The following CSMD2 variants were observed in gnomAD, a reference collection of about 807,000 sequenced individuals.
CSMD2 encodes the protein CUB and sushi domain-containing protein 2.
A neutral mutation model predicts 398.5 loss-of-function variants in CSMD2; 130 were observed. The ratio of observed to expected loss-of-function variants is 0.33; its 90% CI spans 0.28 to 0.38. The LOEUF (loss-of-function observed/expected upper bound fraction) is 0.38. CSMD2 is among the 10% of genes least tolerant of loss of function. The pLI is 1.00. For missense variants in CSMD2, 3,829 were observed against 4,764.9 expected (o/e 0.80, Z 5.78); for synonymous variants, 1,828 against 1,908.5 (o/e 0.96, Z 1.10).
At chr1:34,101,638 C>A (rs1659953466) in intron 1 of CSMD2, among the ~76,000 whole-genome samples, 1 of 152,258 alleles carries the variant, frequency 6.6e-6, no homozygotes, top group Non-Finnish European at 1.5e-5. Flanking sequence ...GATTCAACAT[C>A]TTTTTCACTT....
intron 22 of CSMD2, among the ~76,000 whole-genome samples, chr1:33,703,456 C>G (rs1645676281): frequency 6.6e-6 from 1 of 152,114 alleles, no homozygotes; most frequent in Admixed American, 6.6e-5. Context: ...TATTTCCTAA[C>G]AGAATATTGC....
At chr1:33,660,224 C>T (rs1427129182) in intron 26 of CSMD2, among the ~76,000 whole-genome samples, 2 of 152,090 alleles carry the variant, frequency 1.3e-5, no homozygotes, top group Non-Finnish European at 2.9e-5. Flanking sequence ...ATAATGGTGC[C>T]CATACTGTAA....
At chr1:33,574,165 AC>A in intron 49 of CSMD2, among the ~76,000 whole-genome samples, 1 of 152,316 alleles carries the variant, frequency 6.6e-6, no homozygotes, top group East Asian at 1.9e-4. Flanking sequence ...TTAAGGATAT[AC>A]CCCATGAAAA....
At chr1:33,751,683 G>A (rs1443135633) in intron 13 of CSMD2, among the ~76,000 whole-genome samples, 6 of 152,244 alleles carry the variant, frequency 3.9e-5, no homozygotes, top group East Asian at 1.9e-4. Context: ...GTGCAGTGGC[G>A]CAATCTTGGC....
At chr1:33,945,556 G>A (rs933229004) in intron 3 of CSMD2, among the ~76,000 whole-genome samples, 1 of 152,086 alleles carries the variant, frequency 6.6e-6, no homozygotes, top group Non-Finnish European at 1.5e-5. Flanking sequence ...GGCCTCCTAG[G>A]GTAGGACCTG....
intron 22 of CSMD2, among the ~76,000 whole-genome samples, chr1:33,704,216 T>C (rs1645701527): frequency 1.3e-5 from 2 of 152,160 alleles, no homozygotes; most frequent in Non-Finnish European, 2.9e-5. Flanking sequence ...ATTTTCTTAT[T>C]GATTTTGAGT....
intron 10 of CSMD2, among the ~76,000 whole-genome samples, chr1:33,796,498 AAATT>A (rs1423365935): frequency 6.6e-6 from 1 of 152,212 alleles, no homozygotes; most frequent in Non-Finnish European, 1.5e-5. Context: ...TCAGTTCCCA[AAATT>A]AATACTTTTA....
intron 39 of CSMD2, among the ~76,000 whole-genome samples, chr1:33,616,229 T>G (rs1172331117): frequency 3.9e-5 from 6 of 152,084 alleles, no homozygotes; most frequent in African/African-American, 1.4e-4. Context: ...TTTCTTTTCC[T>G]TTTTTCTTGT....
intron 48 of CSMD2, among the ~76,000 whole-genome samples, chr1:33,579,321 T>C (rs1377286193): frequency 6.6e-6 from 1 of 152,178 alleles, no homozygotes; most frequent in African/African-American, 2.4e-5. Flanking sequence ...AGTGGTTAAG[T>C]ACCTTGCCTA....
intron 1 of CSMD2, among the ~76,000 whole-genome samples, chr1:34,142,662 T>G (rs980501638): frequency 1.3e-5 from 2 of 152,230 alleles, no homozygotes; most frequent in Non-Finnish European, 2.9e-5. Flanking sequence ...TTTGGAGTCA[T>G]GCAGCCCTGG....
At chr1:33,590,826 C>T (rs1199903948) in intron 44 of CSMD2, among the ~76,000 whole-genome samples, 5 of 152,016 alleles carry the variant, frequency 3.3e-5, no homozygotes, top group African/African-American at 7.3e-5. Flanking sequence ...CATGTTAACT[C>T]GTGAACGGTG....
intron 11 of CSMD2, 101 bp from the exon 12 acceptor site, chr1:33,788,813 C>A (rs1344750378): frequency 1.8e-5 from 14 of 770,508 alleles, no homozygotes; most frequent in Non-Finnish European, 2.6e-5. Context: ...AGGATCCAGG[C>A]CCGCTCGGGC....
intron 3 of CSMD2, among the ~76,000 whole-genome samples, chr1:33,969,676 A>T (rs1381481915): frequency 6.6e-6 from 1 of 152,234 alleles, no homozygotes; most frequent in Non-Finnish European, 1.5e-5. Flanking sequence ...GCAGAAATTC[A>T]GTCAGTCCCA....
intron 2 of CSMD2, among the ~76,000 whole-genome samples, chr1:34,086,667 C>T (rs561351958): frequency 1.3e-5 from 2 of 152,282 alleles, no homozygotes; most frequent in South Asian, 4.1e-4. Context: ...CATCATGTCC[C>T]CACTTCCAGG....
chr1:33,951,440 G>A (rs564531330), intron 3 of CSMD2, among the ~76,000 whole-genome samples: 7 of 152,252 alleles, frequency 4.6e-5, no homozygotes, highest in South Asian at 2.1e-4. Context: ...AGCCCATCCC[G>A]GGCTGCAACC....
Position 34,120,995 on chromosome 1 carries a change from C to T in CSMD2, c.188-31802G>A, listed in dbSNP as rs74556546. Among the ~76,000 whole-genome samples the T allele has an allele frequency of 7.8e-3, 1,187 of 152,262 alleles. 24 individuals carry two copies. Among genetic ancestry groups the T allele is most frequent in the African/African-American group, 0.027 (1,119 of 41,522 alleles). Reference sequence around the variant, plus strand: ...ACCCAACATATTACATATTTACTAACGTATTTGTTTATTTTCTTTGAATAA... The same window carrying T: ...ACCCAACATATTACATATTTACTAATGTATTTGTTTATTTTCTTTGAATAA... On this transcript the variant is annotated intron_variant, in intron 1 of 70. Coordinates refer to ENST00000373381, the MANE Select transcript of CSMD2 (RefSeq NM_001281956.2).
At chr1:34,106,606 T>C (rs550839593) in intron 1 of CSMD2, among the ~76,000 whole-genome samples, 1 of 152,176 alleles carries the variant, frequency 6.6e-6, no homozygotes, top group African/African-American at 2.4e-5. Context: ...TAGTTCTGGT[T>C]CCACTCTGCA....
At chr1:33,606,603 G>A (rs571911225) in intron 41 of CSMD2, among the ~76,000 whole-genome samples, 11 of 152,220 alleles carry the variant, frequency 7.2e-5, no homozygotes, top group African/African-American at 1.9e-4. Context: ...GTTTGGCAAC[G>A]AAAGTCTCAG....
chr1:33,997,152 G>C (rs1558222771), intron 3 of CSMD2, among the ~76,000 whole-genome samples: 1 of 152,196 alleles, frequency 6.6e-6, no homozygotes, highest in African/African-American at 2.4e-5. Flanking sequence ...ATGAAGAAAC[G>C]AGAGTCGGTT....
Sources: gnomAD v4.1 joint callset for allele counts (sites outside exome capture counted in the v4.1 genomes callset) on GRCh38, gnomAD v4.1.1 for gene constraint, MANE v1.5 for transcripts, NCBI Gene and HGNC (gene_info 2026-07-23, HGNC 2026-07-21) for gene names.